The following BICC1 variants were observed in gnomAD, a reference collection of about 807,000 sequenced individuals.
The protein encoded by BICC1 is protein bicaudal C homolog 1.
In BICC1, 43 loss-of-function variants were observed where a neutral mutation model predicts 111.0. The ratio of observed to expected loss-of-function variants is 0.39; its 90% CI spans 0.30 to 0.50. The LOEUF (loss-of-function observed/expected upper bound fraction) is 0.50, where lower values mean the gene tolerates loss of function less well. Ranked by LOEUF, BICC1 falls within the 20% of genes least tolerant of loss-of-function variation. The pLI is 0.88. For missense variants in BICC1, 1,091 were observed against 1,203.2 expected (o/e 0.91, Z 1.38); for synonymous variants, 467 against 434.4 (o/e 1.07, Z -0.93).
chr10:58,815,003 C>A (rs1397324588), intron 18 of BICC1, among the ~76,000 whole-genome samples: 2 of 152,144 alleles, frequency 1.3e-5, no homozygotes, highest in Non-Finnish European at 2.9e-5. Context: ...TGAGACTCAG[C>A]ATAAGCCCAT....
intron 9 of BICC1, among the ~76,000 whole-genome samples, chr10:58,794,418 A>G (rs1035587731): frequency 4.1e-5 from 6 of 148,078 alleles, no homozygotes; most frequent in African/African-American, 1.6e-4. Flanking sequence ...AATGGAATAA[A>G]TGTTTTTTTT....
chr10:58,816,794 T>A lies in BICC1; in HGVS notation c.2534-768T>A, dbSNP rs866555095. Among the ~76,000 whole-genome samples, 1,295 of 132,974 alleles carry A rather than the reference T, an allele frequency of 9.7e-3. 24 individuals carry two copies. The highest frequency in any genetic ancestry group is 0.032 in the African/African-American group (1,174 of 36,192). The allele number at this position is 132,974 out of a possible 152,430, so 87.2% of individuals were successfully genotyped here. On this transcript the variant is annotated intron_variant, in intron 18 of 20. Coordinates refer to ENST00000373886, the MANE Select transcript of BICC1 (RefSeq NM_001080512.3). The stretch of plus-strand genomic sequence containing the variant: ...GTGTGTGTGTGTGTGTGTGTGTGTG[T>A]GACTTACTTGGCTTGGTTCAATAGT...
chr10:58,804,053 G>T (rs972812490), intron 15 of BICC1, among the ~76,000 whole-genome samples: 6 of 152,172 alleles, frequency 3.9e-5, no homozygotes, highest in African/African-American at 9.6e-5. Context: ...ATGTGTCAAA[G>T]AAATTAATTC....
intron 1 of BICC1, among the ~76,000 whole-genome samples, chr10:58,536,306 A>G (rs903300991): frequency 6.6e-6 from 1 of 151,812 alleles, no homozygotes; most frequent in Admixed American, 6.6e-5. Flanking sequence ...AACATTCTCC[A>G]AAATAGATCA....
At chr10:58,750,842 T>G (rs2132642718) in intron 3 of BICC1, among the ~76,000 whole-genome samples, 1 of 152,254 alleles carries the variant, frequency 6.6e-6, no homozygotes, top group South Asian at 2.1e-4. Context: ...TTGGAAGCAG[T>G]CTTTACTCTC....
intron 2 of BICC1, among the ~76,000 whole-genome samples, chr10:58,679,104 C>A (rs1839433992): frequency 6.6e-6 from 1 of 151,904 alleles, no homozygotes; most frequent in Non-Finnish European, 1.5e-5. Context: ...AAATTGACAC[C>A]CTAACATCAC....
rs953402574 is a variant in BICC1, at chr10:58,823,705, T to C, written c.2794+3237T>C. 4 of 985,276 alleles carry C rather than the reference T, an allele frequency of 4.1e-6. No individual in the cohort carries two copies. In the African/African-American group the frequency reaches 7.0e-5, roughly 17 times the overall value. The allele number at this position is 985,276 out of a possible 1,614,324, so 61.0% of individuals were successfully genotyped here. On this transcript the variant is annotated intron_variant, in intron 20 of 20. Transcript: ENST00000373886. Reference sequence around the variant, plus strand: ...TTTTTTCTTTGCTGTAAAGTGGGAATGTCTTCCTGAATTGTATGTTATTCC... The same window carrying C: ...TTTTTTCTTTGCTGTAAAGTGGGAACGTCTTCCTGAATTGTATGTTATTCC...
Position 58,800,334 on chromosome 10 carries a change from A to G in BICC1, c.1858+8A>G. ...AATCAAGCCCCACTGAAGGTCGGGAACTGTACCCTTCTGAAATTCATTTTG... is the reference window on the plus strand; with the variant it reads ...AATCAAGCCCCACTGAAGGTCGGGAGCTGTACCCTTCTGAAATTCATTTTG... On this transcript the variant is annotated splice_region_variant and intron_variant, in intron 13 of 20. Coordinates refer to ENST00000373886, the MANE Select transcript of BICC1 (RefSeq NM_001080512.3). 6.2e-7 allele frequency: 1 copy of G among 1,611,906 alleles called. No individual in the cohort carries two copies. The highest frequency in any genetic ancestry group is 1.3e-5 in the African/African-American group (1 of 74,990).
intron 3 of BICC1, among the ~76,000 whole-genome samples, chr10:58,772,399 T>A (rs1054145688): frequency 6.6e-6 from 1 of 152,198 alleles, no homozygotes; most frequent in African/African-American, 2.4e-5. Flanking sequence ...TGAAAGGAAG[T>A]AATGATTATC....
At chr10:58,757,705 A>G (rs1356356906) in intron 3 of BICC1, among the ~76,000 whole-genome samples, 1 of 152,204 alleles carries the variant, frequency 6.6e-6, no homozygotes, top group Non-Finnish European at 1.5e-5. Flanking sequence ...CAAGATATTC[A>G]AGACATAACT....
intron 3 of BICC1, among the ~76,000 whole-genome samples, chr10:58,776,051 G>A (rs1261768087): frequency 2.0e-5 from 3 of 152,224 alleles, no homozygotes; most frequent in African/African-American, 4.8e-5. Context: ...TTTTAGAATC[G>A]AATTCCTAAA....
chr10:58,813,844 C>G lies in BICC1; in HGVS notation c.2391C>G (p.Ser797=). The G allele has an allele frequency of 6.2e-7, 1 of 1,613,884 alleles. No homozygotes were observed. The highest frequency in any genetic ancestry group is 1.1e-5 in the South Asian group (1 of 91,072). Reference sequence around the variant, plus strand: ...TCTGTTTACAGGGCTCATCCATGTCCCTTTCACGGTCCAACAGTCGTGAGC... The same window carrying G: ...TCTGTTTACAGGGCTCATCCATGTCGCTTTCACGGTCCAACAGTCGTGAGC... The part of the protein sequence containing the change: ...MTTTYEGSSM[S]LSRSNSREHL... The change falls in exon 18 of 21, where the codon TCC becomes TCG. Residue 797 remains serine (S), a synonymous_variant. Transcript: ENST00000373886.
In BICC1 at chr10:58,807,107, G is replaced by A. The variant is rs748345477; in HGVS notation, c.2325G>A (p.Leu775=). The A allele has an allele frequency of 1.2e-5, 19 of 1,613,956 alleles. No homozygotes were observed. In the South Asian group the frequency reaches 1.8e-4, roughly 15 times the overall value. The change falls in exon 17 of 21, where the codon TTG becomes TTA. Residue 775 remains leucine, a synonymous_variant. Coordinates refer to ENST00000373886, the MANE Select transcript of BICC1 (RefSeq NM_001080512.3). ...TGCCAGCTGAAACTATCAAGGAGTTGAGAAGGGCCAATCATGTGTCCTATA... is the reference window on the plus strand; with the variant it reads ...TGCCAGCTGAAACTATCAAGGAGTTAAGAAGGGCCAATCATGTGTCCTATA... ...KSMPAETIKE[L]RRANHVSYKP...
intron 3 of BICC1, among the ~76,000 whole-genome samples, chr10:58,769,373 TGTA>T (rs1404196192): frequency 1.4e-3 from 112 of 82,676 alleles, no homozygotes; most frequent in South Asian, 3.6e-3. Flanking sequence ...AGTTTTATAA[TGTA>T]TGTGTGTGTG....
At chr10:58,531,678 TGAATAAAATGA>T (rs1234073284) in intron 1 of BICC1, among the ~76,000 whole-genome samples, 2 of 151,604 alleles carry the variant, frequency 1.3e-5, no homozygotes, top group African/African-American at 4.8e-5. Context: ...AATGAAACTG[TGAATAAAATGA>T]GAATATCAAT....
At chr10:58,693,542 T>A (rs1250068933) in intron 2 of BICC1, among the ~76,000 whole-genome samples, 2 of 152,240 alleles carry the variant, frequency 1.3e-5, no homozygotes, top group African/African-American at 4.8e-5. Flanking sequence ...GACTTCTTAA[T>A]GATCGCCATT....
At chr10:58,766,337 AAC>A (rs1842455294) in intron 3 of BICC1, among the ~76,000 whole-genome samples, 1 of 152,224 alleles carries the variant, frequency 6.6e-6, no homozygotes, top group African/African-American at 2.4e-5. Flanking sequence ...TTGATGGAAT[AAC>A]ATATTGGAAG....
intron 3 of BICC1, among the ~76,000 whole-genome samples, chr10:58,767,574 A>G (rs1842492906): frequency 6.6e-6 from 1 of 152,138 alleles, no homozygotes. Context: ...CTCAGTAACC[A>G]TCCCCAAAGA....
chr10:58,597,074 C>T (rs1054368071), intron 1 of BICC1, among the ~76,000 whole-genome samples: 1 of 152,062 alleles, frequency 6.6e-6, no homozygotes, highest in Non-Finnish European at 1.5e-5. Context: ...TGGGGGAACC[C>T]ACCCCCAATA....
Sources: gnomAD v4.1 joint callset for allele counts (sites outside exome capture counted in the v4.1 genomes callset) on GRCh38, gnomAD v4.1.1 for gene constraint, MANE v1.5 for transcripts, NCBI Gene and HGNC (gene_info 2026-07-23, HGNC 2026-07-21) for gene names.